Variants in ACSL5 observed in about 807,000 individuals in gnomAD.
ACSL5 encodes acyl-CoA synthetase long chain family member 5.
ACSL5 carries 50 observed loss-of-function variants against 84.9 expected under a neutral mutation model. That is an observed-to-expected ratio of 0.59 (90% CI 0.47 to 0.75). ACSL5 has a LOEUF of 0.75. Among genes scored for constraint, ACSL5 ranks in the 30% least tolerant of loss-of-function variants. ACSL5 has a pLI of 0.00. For missense variants in ACSL5, 775 were observed against 830.4 expected (o/e 0.93, Z 0.82); for synonymous variants, 280 against 300.7 (o/e 0.93, Z 0.71).
chr10:112,382,993 G>A (rs1477114425), intron 1 of ACSL5, among the ~76,000 whole-genome samples: 3 of 152,150 alleles, frequency 2.0e-5, no homozygotes, highest in Admixed American at 1.3e-4. Context: ...TCCCCACTGG[G>A]TGCCATGGCT....
intron 18 of ACSL5, among the ~76,000 whole-genome samples, chr10:112,425,867 A>C (rs967844778): frequency 1.4e-4 from 21 of 152,318 alleles, no homozygotes; most frequent in Admixed American, 1.4e-3. Flanking sequence ...AAGTTTGATC[A>C]ACAAACTGTT....
At chr10:112,378,693 C>T (rs1424470497) in intron 1 of ACSL5, among the ~76,000 whole-genome samples, 4 of 152,122 alleles carry the variant, frequency 2.6e-5, no homozygotes, top group African/African-American at 7.2e-5. Flanking sequence ...GCAAGGGTGA[C>T]GTAACCCCAG....
intron 1 of ACSL5, among the ~76,000 whole-genome samples, chr10:112,378,227 G>GTTTTTT (rs144322644): frequency 1.2e-4 from 7 of 56,784 alleles, no homozygotes; most frequent in Admixed American, 3.0e-4. Context: ...TCTTCTTCTT[G>GTTTTTT]TTTTTTTTTT....
At chr10:112,376,624 C>T (rs1450398565) in intron 1 of ACSL5, among the ~76,000 whole-genome samples, 1 of 152,000 alleles carries the variant, frequency 6.6e-6, no homozygotes, top group South Asian at 2.1e-4. Context: ...GCCTTCAGAC[C>T]CTGTGTCAGG....
rs1188028454 is a variant in ACSL5, at chr10:112,386,948, A to G, written c.-29-7970A>G. Among the ~76,000 whole-genome samples the G allele has an allele frequency of 3.9e-5, 6 of 152,200 alleles. No individual in the cohort carries two copies. The East Asian group carries it at 1.2e-3, about 29-fold the overall frequency. ...AGTAATTATAAAACTGAAACATACT[A>G]GTTACCTCTTATTTCCTTAGAGGGT... is the stretch of plus-strand genomic sequence containing the variant. On this transcript the variant is annotated intron_variant, in intron 1 of 20. Coordinates refer to ENST00000354655, the MANE Select transcript of ACSL5 (RefSeq NM_203379.2).
At chr10:112,376,914 T>G (rs1403022407) in intron 1 of ACSL5, among the ~76,000 whole-genome samples, 2 of 151,902 alleles carry the variant, frequency 1.3e-5, no homozygotes, top group African/African-American at 4.8e-5. Context: ...TCCTAAGTAC[T>G]TCCTTCCCAA....
rs1335947148 is a variant in ACSL5 at position 112,374,216 on chromosome 10, C to T, written c.-83C>T. ...TGAATGTGGTGCTGAATCAATACAG[C>T]CAGCTGTGAGGGGAGCACTTCCTGG... On this transcript the variant is annotated 5_prime_UTR_variant, in exon 1 of 21. Transcript: ENST00000354655. 1.3e-5 allele frequency: 2 copies of T among 152,274 alleles called. No individual in the cohort carries two copies. The allele number at this position is 152,274 out of a possible 1,614,324, so 9.4% of individuals were successfully genotyped here.
intron 13 of ACSL5, 37 bp downstream of exon 13, chr10:112,417,059 AC>A: frequency 6.2e-7 from 1 of 1,601,294 alleles, no homozygotes; most frequent in Non-Finnish European, 8.5e-7. Context: ...GCAGGCAAAT[AC>A]CTGGGCTGCC....
At chr10:112,421,784 T>C (rs967561074) in intron 15 of ACSL5, 119 bp downstream of exon 15, 1 of 1,343,510 alleles carries the variant, frequency 7.4e-7, no homozygotes, top group African/African-American at 1.4e-5. Context: ...AATGCAAAAT[T>C]CAAGTTTTGG....
chr10:112,425,659 A>G (rs1057085611), intron 18 of ACSL5, 178 bp downstream of exon 18: 4 of 544,926 alleles, frequency 7.3e-6, no homozygotes, highest in Non-Finnish European at 1.2e-5. Flanking sequence ...AATTTAAAAA[A>G]TTTCAAAACT....
In ACSL5 at chr10:112,421,573, G is replaced by T; in HGVS notation, c.1315-20G>T. The T allele has an allele frequency of 6.2e-7, 1 of 1,612,002 alleles. No individual in the cohort carries two copies. The highest frequency in any genetic ancestry group is 8.5e-7 in the Non-Finnish European group (1 of 1,178,026). ...CACTTTATCTTGAGTAAGTCTAAAA[G>T]CTCTTCTTTGGTTTCCCAGGTGTAT... On this transcript the variant is annotated intron_variant, in intron 14 of 20. Transcript: ENST00000354655.
At chr10:112,417,696 G>A (rs979273413) in intron 13 of ACSL5, 150 bp from the exon 14 acceptor site, 1 of 673,756 alleles carries the variant, frequency 1.5e-6, no homozygotes, top group African/African-American at 1.8e-5. Flanking sequence ...AATCCAGACT[G>A]TATTCTAAGT....
intron 2 of ACSL5, chr10:112,396,015 G>A (rs911836165): frequency 6.6e-6 from 1 of 152,292 alleles, no homozygotes; most frequent in Non-Finnish European, 1.5e-5. Context: ...TTCTTTGAGA[G>A]TAGTTTGCTT....
intron 17 of ACSL5, 68 bp from the exon 18 acceptor site, chr10:112,425,270 C>T (rs1305306833): frequency 3.6e-6 from 5 of 1,388,712 alleles, no homozygotes; most frequent in East Asian, 2.5e-5. Context: ...ACTGTGACTT[C>T]ACCACTCTCC....
chr10:112,426,023 A>C (rs1173471293), intron 18 of ACSL5, among the ~76,000 whole-genome samples: 1 of 152,188 alleles, frequency 6.6e-6, no homozygotes, highest in Non-Finnish European at 1.5e-5. Flanking sequence ...CTTTAAGCTT[A>C]ATGTTGAAGG....
At chr10:112,403,626 G>A (rs915994978) in intron 3 of ACSL5, among the ~76,000 whole-genome samples, 1 of 152,222 alleles carries the variant, frequency 6.6e-6, no homozygotes, top group African/African-American at 2.4e-5. Flanking sequence ...CAGTCTAGGA[G>A]AGTGTGTTAA....
intron 18 of ACSL5, chr10:112,425,729 T>C: frequency 2.8e-6 from 1 of 357,146 alleles, no homozygotes; most frequent in Non-Finnish European, 5.0e-6. Context: ...TAAAAGGTAA[T>C]GATTCAGTAA....
intron 1 of ACSL5, among the ~76,000 whole-genome samples, chr10:112,387,190 G>A (rs1849471006): frequency 6.6e-6 from 1 of 152,136 alleles, no homozygotes; most frequent in African/African-American, 2.4e-5. Flanking sequence ...TGTGAAGCAA[G>A]ATCATTGTCT....
chr10:112,384,670 G>A (rs947344292), intron 1 of ACSL5, among the ~76,000 whole-genome samples: 1 of 152,030 alleles, frequency 6.6e-6, no homozygotes, highest in Admixed American at 6.6e-5. Context: ...GCCAAGCGAG[G>A]CTAATTTTTG....
Sources: gnomAD v4.1 joint callset for allele counts (sites outside exome capture counted in the v4.1 genomes callset) on GRCh38, gnomAD v4.1.1 for gene constraint, MANE v1.5 for transcripts, NCBI Gene and HGNC (gene_info 2026-07-23, HGNC 2026-07-21) for gene names.